FAM83A: variants seen among roughly 807,000 people sequenced by gnomAD.
FAM83A encodes the protein protein FAM83A.
FAM83A carries 21 observed loss-of-function variants against 24.4 expected under a neutral mutation model. That is an observed-to-expected ratio of 0.86 (90% CI 0.61 to 1.24). The LOEUF (loss-of-function observed/expected upper bound fraction) is 1.24. FAM83A is among the 50% of genes most tolerant of loss of function. The pLI, the probability that FAM83A is intolerant of heterozygous loss-of-function variation, is 0.00. For missense variants in FAM83A, 617 were observed against 579.8 expected (o/e 1.06, Z -0.66); for synonymous variants, 270 against 252.4 (o/e 1.07, Z -0.66).
In FAM83A at chr8:123,209,442, A is replaced by G. The variant is rs776001125; in HGVS notation, c.*1754A>G. 7 of 1,614,144 alleles carry G rather than the reference A, an allele frequency of 4.3e-6. No individual in the cohort carries two copies. The highest frequency in any genetic ancestry group is 5.9e-6 in the Non-Finnish European group (7 of 1,180,002). On this transcript the variant is annotated 3_prime_UTR_variant, in exon 4 of 4. Transcript: ENST00000690554. This position sits in a 1 kb window ranked among gnomAD's most constrained non-coding sequence, Gnocchi z 4.7. ...CCTCCTTAGTTCCTGAAAGTAAACA[A>G]AACAAAACAAAAACAAAAAAACAAA...
exon 4 of FAM83A, chr8:123,207,729 G>T (rs1824612801): frequency 2.1e-6 from 3 of 1,426,468 alleles, no homozygotes; most frequent in Non-Finnish European, 1.8e-6. Flanking sequence ...CCAGGGCTGG[G>T]CACTCCCTGA....
At chr8:123,190,433 T>A (rs1823936110) in intron 1 of FAM83A, among the ~76,000 whole-genome samples, 1 of 151,636 alleles carries the variant, frequency 6.6e-6, no homozygotes, top group Admixed American at 6.6e-5. Flanking sequence ...GCTAATTTTT[T>A]TTTTTTTTTT....
intron 3 of FAM83A, among the ~76,000 whole-genome samples, chr8:123,194,476 C>T (rs557743032): frequency 1.3e-5 from 2 of 150,970 alleles, no homozygotes; most frequent in African/African-American, 4.8e-5. Flanking sequence ...TGTGTGTGCA[C>T]ATCCCATTGC....
chr8:123,190,564 A>G (rs1333263984), intron 1 of FAM83A, among the ~76,000 whole-genome samples: 1 of 152,096 alleles, frequency 6.6e-6, no homozygotes, highest in Non-Finnish European at 1.5e-5. Flanking sequence ...CGCGCCCGGC[A>G]GTAATTAACA....
chr8:123,209,451 A>G lies in FAM83A; in HGVS notation c.*1763A>G, dbSNP rs750069297. On this transcript the variant is annotated 3_prime_UTR_variant, in exon 4 of 4. Coordinates refer to ENST00000690554, the Ensembl canonical transcript of FAM83A. This position sits in a 1 kb window ranked among gnomAD's most constrained non-coding sequence, Gnocchi z 4.7. ...TTCCTGAAAGTAAACAAAACAAAAC[A>G]AAAACAAAAAAACAAACAACACTTT... The G allele has an allele frequency of 3.1e-6, 5 of 1,614,060 alleles. No homozygotes were observed. Among genetic ancestry groups the G allele is most frequent in the Non-Finnish European group, 4.2e-6 (5 of 1,180,030 alleles).
At chr8:123,208,206 C>T (rs1290444809) in exon 4 of FAM83A, 1 of 986,476 alleles carries the variant, frequency 1.0e-6, no homozygotes, top group Non-Finnish European at 1.2e-6. Flanking sequence ...GGAAACTCCT[C>T]CTCTTAGGAA....
rs191855267 is a variant in FAM83A at position 123,207,436 on chromosome 8, G to T, written c.1053G>T (p.Ala351=). 1,717 of 1,607,542 alleles carry T rather than the reference G, an allele frequency of 1.1e-3. 20 individuals carry two copies. The African/African-American group carries it at 0.019, about 17-fold the overall frequency. The change falls in exon 4 of 4, where the codon GCG becomes GCT. Residue 351 remains alanine, a synonymous_variant. Transcript: ENST00000690554. ...ACCCCGGTACCCGAAGTGTGTCCGC[G>T]TCTTCAGGGCCCTGTAGCCCCGCGG...
intron 1 of FAM83A, among the ~76,000 whole-genome samples, chr8:123,184,470 T>C (rs1470111197): frequency 1.3e-5 from 2 of 152,046 alleles, no homozygotes; most frequent in Non-Finnish European, 2.9e-5. Context: ...CTCCCCAGAA[T>C]ATTCACACTT....
upstream of FAM83A, chr8:123,179,640 T>C (rs144083582): frequency 2.8e-4 from 43 of 152,320 alleles, no homozygotes; most frequent in African/African-American, 9.4e-4. Flanking sequence ...GTGTGTTTGC[T>C]CACTGTTCTA....
At chr8:123,207,121 T>C in intron 3 of FAM83A, 36 bp from the exon 4 acceptor site, 2 of 675,346 alleles carry the variant, frequency 3.0e-6, no homozygotes, top group South Asian at 2.7e-5. Flanking sequence ...TCCTTCCCCC[T>C]TCTCCTCCAT....
rs756763296 is a variant in FAM83A at position 123,207,486 on chromosome 8, G to A, written c.1103G>A (p.Arg368Gln). 7.6e-6 allele frequency: 12 copies of A among 1,583,854 alleles called. No individual in the cohort carries two copies. The East Asian group carries it at 2.0e-4, about 27-fold the overall frequency. The change falls in exon 4 of 4, where the codon CGG becomes CAG. Residue 368 changes from arginine (R) to glutamine (Q), a missense_variant. Physicochemically the swap from Arg to Gln is conservative, Grantham distance 43 (BLOSUM62 1). Coordinates refer to ENST00000690554, the Ensembl canonical transcript of FAM83A. ...GCCCCACACCCGCCTCCACCGCCCC[G>A]GTTCCAGCCCCACCAAGGCCCTTGG...
At chr8:123,191,187 C>A (rs1328945074) in intron 1 of FAM83A, among the ~76,000 whole-genome samples, 1 of 152,176 alleles carries the variant, frequency 6.6e-6, no homozygotes, top group Non-Finnish European at 1.5e-5. Flanking sequence ...GCAGGAGGAA[C>A]ACAGATGTCT....
rs575445998 is a variant in FAM83A at position 123,182,962 on chromosome 8, C to T, written c.106C>T (p.Arg36Trp). Residue 36 changes from arginine to tryptophan, a missense_variant, in exon 1 of 4, where the codon CGG becomes TGG. Arg to Trp is a moderately radical substitution (Grantham distance 101). Transcript: ENST00000690554. ...TGACTTTAGTGACAACGAGAGTGCC[C>T]GGCTGGCCACGGACGCCCTCTTGGA... 196 of 1,609,106 alleles carry T rather than the reference C, an allele frequency of 1.2e-4. 1 individual carries two copies. In the South Asian group the frequency reaches 2.0e-3, roughly 16 times the overall value.
intron 3 of FAM83A, among the ~76,000 whole-genome samples, chr8:123,204,148 C>T (rs1207076548): frequency 6.6e-6 from 1 of 151,980 alleles, no homozygotes; most frequent in Admixed American, 6.6e-5. Context: ...TGTGGTGGCT[C>T]ATGCCTGTAA....
chr8:123,203,586 CAAAAAAA>C (rs1187426797), intron 3 of FAM83A, among the ~76,000 whole-genome samples: 3 of 41,176 alleles, frequency 7.3e-5, no homozygotes, highest in Non-Finnish European at 1.7e-4. Context: ...AGATCTGTCT[CAAAAAAA>C]AAAAAAAAAA....
rs1240344525 is a variant in FAM83A, at chr8:123,183,009, G to A, written c.153G>A (p.Trp51Ter). The A allele has an allele frequency of 6.2e-7, 1 of 1,604,438 alleles. No individual in the cohort carries two copies. Residue 51 changes from tryptophan to a stop codon, truncating the protein, a stop_gained, in exon 1 of 4, where the codon TGG becomes TGA. Coordinates refer to ENST00000690554, the Ensembl canonical transcript of FAM83A. LOFTEE classifies it high-confidence loss of function. ...TGGATGGGGGTTCTGAAGCCTACTG[G>A]CGGGTGCTCAGCCAGGAAGGCGAGG... is the stretch of plus-strand genomic sequence containing the variant.
At chr8:123,203,232 AAGC>A (rs2131101089) in intron 3 of FAM83A, among the ~76,000 whole-genome samples, 1 of 151,062 alleles carries the variant, frequency 6.6e-6, no homozygotes, top group Admixed American at 6.6e-5. Flanking sequence ...AAAAAAAAAA[AAGC>A]AGTGACCATA....
chr8:123,202,836 A>C (rs1394487673), intron 3 of FAM83A: 1 of 152,202 alleles, frequency 6.6e-6, no homozygotes, highest in Non-Finnish European at 1.5e-5. Context: ...GTGGTTATGT[A>C]CTTGTGGGTC....
At chr8:123,198,477 C>G (rs1041853462) in intron 3 of FAM83A, among the ~76,000 whole-genome samples, 8 of 152,208 alleles carry the variant, frequency 5.3e-5, no homozygotes, top group Non-Finnish European at 1.0e-4. Flanking sequence ...GGATTTCAAA[C>G]ATTTCAGGGA....
Sources: gnomAD v4.1 joint callset for allele counts (sites outside exome capture counted in the v4.1 genomes callset) on GRCh38, gnomAD v4.1.1 for gene constraint, Gnocchi (gnomAD v3.1) non-coding constraint, MANE v1.5 for transcripts, NCBI Gene and HGNC (gene_info 2026-07-23, HGNC 2026-07-21) for gene names.